The following CNTNAP5 variants were observed in gnomAD, a reference collection of about 807,000 sequenced individuals.
The protein encoded by CNTNAP5 is contactin-associated protein-like 5.
A neutral mutation model predicts 150.2 loss-of-function variants in CNTNAP5; 72 were observed. The observed-to-expected ratio is 0.48, with a 90% confidence interval of 0.40 to 0.58. The LOEUF is 0.58. Among genes scored for constraint, CNTNAP5 ranks in the 20% least tolerant of loss-of-function variants. The pLI is 0.00. For missense variants in CNTNAP5, 1,636 were observed against 1,626.2 expected (o/e 1.01, Z -0.10); for synonymous variants, 672 against 619.8 (o/e 1.08, Z -1.25).
chr2:124,526,901 A>T (rs529722762), intron 9 of CNTNAP5, among the ~76,000 whole-genome samples: 13 of 152,258 alleles, frequency 8.5e-5, no homozygotes, highest in African/African-American at 2.9e-4. Context: ...TGAATCGTGC[A>T]TTTAGATATG....
At chr2:124,133,891 A>T (rs949024429) in intron 1 of CNTNAP5, among the ~76,000 whole-genome samples, 1 of 152,212 alleles carries the variant, frequency 6.6e-6, no homozygotes, top group African/African-American at 2.4e-5. Context: ...TAAATTTTTG[A>T]ATGAATGAAT....
intron 12 of CNTNAP5, among the ~76,000 whole-genome samples, chr2:124,614,864 T>A (rs952185511): frequency 6.6e-6 from 1 of 152,292 alleles, no homozygotes; most frequent in Non-Finnish European, 1.5e-5. Flanking sequence ...CTCAGCCTTA[T>A]TTTACCCAGT....
At chr2:124,163,095 T>G (rs1358676) in intron 1 of CNTNAP5, among the ~76,000 whole-genome samples, 147,428 of 152,188 alleles carry the variant, frequency 0.97, 71,582 homozygotes, top group East Asian at 1. Context: ...GAATCATGGA[T>G]TCTTAAATTT....
intron 1 of CNTNAP5, among the ~76,000 whole-genome samples, chr2:124,107,227 G>A (rs1039051849): frequency 6.6e-6 from 1 of 152,064 alleles, no homozygotes; most frequent in African/African-American, 2.4e-5. Flanking sequence ...AGGAAGAAAA[G>A]CTGGACCTGG....
intron 11 of CNTNAP5, among the ~76,000 whole-genome samples, chr2:124,584,756 G>A (rs984379665): frequency 7.2e-5 from 11 of 152,170 alleles, no homozygotes; most frequent in African/African-American, 2.4e-4. Flanking sequence ...TATTTCCAAG[G>A]ATGCCTTCAA....
intron 1 of CNTNAP5, among the ~76,000 whole-genome samples, chr2:124,196,672 C>A (rs1221942921): frequency 1.3e-5 from 2 of 152,122 alleles, no homozygotes; most frequent in Non-Finnish European, 2.9e-5. Context: ...AGTCACAAAG[C>A]ATTTTAAAAT....
At chr2:124,404,225 G>C (rs747977148) in intron 3 of CNTNAP5, among the ~76,000 whole-genome samples, 1 of 152,202 alleles carries the variant, frequency 6.6e-6, no homozygotes, top group Non-Finnish European at 1.5e-5. Flanking sequence ...GACATCCCCT[G>C]TCAAGGTCAC....
chr2:124,665,436 T>A (rs918499891), intron 13 of CNTNAP5, among the ~76,000 whole-genome samples: 1 of 152,262 alleles, frequency 6.6e-6, no homozygotes, highest in Non-Finnish European at 1.5e-5. Flanking sequence ...TTCAAGCTAA[T>A]GTCAACATCA....
intron 11 of CNTNAP5, among the ~76,000 whole-genome samples, chr2:124,592,977 AATTTATCTAT>A (rs1389606555): frequency 6.6e-6 from 1 of 151,566 alleles, no homozygotes; most frequent in Non-Finnish European, 1.5e-5. Context: ...AATATTAGGA[AATTTATCTAT>A]ATTTTTGTTC....
At chr2:124,391,614 C>A (rs989047627) in intron 3 of CNTNAP5, among the ~76,000 whole-genome samples, 1 of 152,150 alleles carries the variant, frequency 6.6e-6, no homozygotes. Flanking sequence ...ACAAAAAGGA[C>A]CAGTGACAGT....
chr2:124,427,146 G>A (rs1485898164), intron 4 of CNTNAP5, among the ~76,000 whole-genome samples: 2 of 152,140 alleles, frequency 1.3e-5, no homozygotes, highest in African/African-American at 4.8e-5. Context: ...CACTGGCATG[G>A]CAGATAAAAT....
At chr2:124,115,300 T>C (rs1683398670) in intron 1 of CNTNAP5, among the ~76,000 whole-genome samples, 1 of 152,174 alleles carries the variant, frequency 6.6e-6, no homozygotes, top group Admixed American at 6.5e-5. Context: ...TCATAAACCA[T>C]GGACACATTA....
At chr2:124,664,494 A>C (rs2105049156) in intron 13 of CNTNAP5, among the ~76,000 whole-genome samples, 1 of 152,236 alleles carries the variant, frequency 6.6e-6, no homozygotes, top group African/African-American at 2.4e-5. Flanking sequence ...CTCTGTGTTA[A>C]GTTTTCTCCT....
At position 124,074,332 on chromosome 2, in the gene CNTNAP5, C is replaced by T. The variant is rs527879020; in HGVS notation, c.82+48600C>T. Among the ~76,000 whole-genome samples, 11 of 152,086 alleles carry T rather than the reference C, an allele frequency of 7.2e-5. No homozygotes were observed. In the South Asian group the frequency reaches 2.1e-3, roughly 29 times the overall value. ...AATTTGATTGTATATTTTTAAATAACTAAAAGAATATAATTGGATTATTTG... is the reference window on the plus strand; with the variant it reads ...AATTTGATTGTATATTTTTAAATAATTAAAAGAATATAATTGGATTATTTG... On this transcript the variant is annotated intron_variant, in intron 1 of 23. Coordinates refer to ENST00000682447, the MANE Select transcript of CNTNAP5 (RefSeq NM_001367498.1).
chr2:124,692,015 T>C (rs1679310038), intron 13 of CNTNAP5, among the ~76,000 whole-genome samples: 1 of 152,106 alleles, frequency 6.6e-6, no homozygotes, highest in Non-Finnish European at 1.5e-5. Context: ...GCTCTTGGTA[T>C]CTAACAGCCA....
intron 3 of CNTNAP5, among the ~76,000 whole-genome samples, chr2:124,266,336 A>T (rs193229035): frequency 6.6e-6 from 1 of 152,204 alleles, no homozygotes; most frequent in African/African-American, 2.4e-5. Context: ...TCAACATATT[A>T]TATTAAACTG....
chr2:124,691,108 G>A (rs910104695), intron 13 of CNTNAP5, among the ~76,000 whole-genome samples: 10 of 152,076 alleles, frequency 6.6e-5, no homozygotes, highest in African/African-American at 2.4e-4. Flanking sequence ...ATGATTGGAC[G>A]AGAAGGCTAT....
intron 13 of CNTNAP5, among the ~76,000 whole-genome samples, chr2:124,725,156 G>A (rs917366311): frequency 1.3e-5 from 2 of 151,892 alleles, no homozygotes; most frequent in Non-Finnish European, 2.9e-5. Flanking sequence ...CTATTTCTGT[G>A]TGTAAGAAAT....
At chr2:124,249,441 C>T (rs1313168564) in intron 3 of CNTNAP5, among the ~76,000 whole-genome samples, 1 of 152,168 alleles carries the variant, frequency 6.6e-6, no homozygotes, top group East Asian at 1.9e-4. Context: ...CTGAGAACTT[C>T]CTCTGCACAA....
Sources: allele counts gnomAD v4.1 joint callset (sites outside exome capture counted in the v4.1 genomes callset), GRCh38; gene constraint gnomAD v4.1.1; transcripts MANE v1.5; gene names NCBI Gene and HGNC (gene_info 2026-07-23, HGNC 2026-07-21).